Variants in ZNF85 observed in about 807,000 individuals in gnomAD.
The protein encoded by ZNF85 is zinc finger protein 85 (HPF4, HTF1).
In ZNF85, 50 loss-of-function variants were observed where a neutral mutation model predicts 53.9. The ratio of observed to expected loss-of-function variants is 0.93; its 90% CI spans 0.74 to 1.17. The LOEUF is 1.17. Among genes scored for constraint, ZNF85 ranks in the 50% most tolerant of loss-of-function variants. ZNF85 has a pLI of 0.00. For synonymous variants in ZNF85, 225 were observed against 226.1 expected, an observed-to-expected ratio of 1.00 and a Z score of 0.04; for missense variants, 747 against 688.5, an observed-to-expected ratio of 1.08 and a Z score of -0.95.
chr19:20,929,433 C>T (rs1255589115), intron 1 of ZNF85, among the ~76,000 whole-genome samples: 1 of 152,094 alleles, frequency 6.6e-6, no homozygotes, highest in Non-Finnish European at 1.5e-5. Flanking sequence ...GTGATCCCAC[C>T]TCAGCCTCCA....
intron 3 of ZNF85, chr19:20,942,729 G>T (rs1289173928): frequency 1.5e-6 from 1 of 654,902 alleles, no homozygotes; most frequent in Non-Finnish European, 2.8e-6. Context: ...GTTTTGGTCA[G>T]AAAACACACA....
intron 1 of ZNF85, chr19:20,927,482 T>A (rs1972906975): frequency 6.7e-6 from 1 of 149,526 alleles, no homozygotes; most frequent in Non-Finnish European, 1.5e-5. Flanking sequence ...TTTAGACCAG[T>A]GAAGACAAAT....
rs1972805592 is a variant in ZNF85 at position 20,923,483 on chromosome 19, G to A, written c.3+80G>A. 3.7e-6 allele frequency: 6 copies of A among 1,606,998 alleles called. No homozygotes were observed. The East Asian group carries it at 8.9e-5, about 24-fold the overall frequency. ...GGGAAGCGGCTGTGGCGGGACTCAGGCCTCCCTGTAGTCAGCTCCACAATC... is the reference window on the plus strand; with the variant it reads ...GGGAAGCGGCTGTGGCGGGACTCAGACCTCCCTGTAGTCAGCTCCACAATC... On this transcript the variant is annotated intron_variant, in intron 1 of 3. Transcript: ENST00000328178.
intron 3 of ZNF85, among the ~76,000 whole-genome samples, chr19:20,935,843 C>T (rs901501234): frequency 6.6e-6 from 1 of 151,982 alleles, no homozygotes; most frequent in Non-Finnish European, 1.5e-5. Flanking sequence ...AGCCACCATG[C>T]CTGGCCACCA....
In ZNF85 at chr19:20,931,237, A is replaced by T. The variant is rs561723829; in HGVS notation, c.4-2787A>T. On this transcript the variant is annotated intron_variant, in intron 1 of 3. Transcript: ENST00000328178. ...GTTACCTATTCATGGACTCTTTTCA[A>T]ACCTGCAGAATCATATTACATAGAA... 1.8e-4 allele frequency among the ~76,000 whole-genome samples: 28 copies of T among 152,318 alleles called. No homozygotes were observed. In the East Asian group the frequency reaches 2.7e-3, roughly 15 times the overall value.
chr19:20,937,145 C>T (rs1020968845), intron 3 of ZNF85: 1 of 304,568 alleles, frequency 3.3e-6, no homozygotes, highest in Non-Finnish European at 6.6e-6. Flanking sequence ...TATTCCCCTG[C>T]CTCAGCCTCC....
chr19:20,937,247 G>A (rs1973181277), intron 3 of ZNF85: 2 of 443,684 alleles, frequency 4.5e-6, no homozygotes. Context: ...GGCCAGGCGA[G>A]TCTCAAACTC....
rs140643694 is a variant in ZNF85, at chr19:20,938,876, G to GTA, written c.229+3837_229+3838dup. Among the ~76,000 whole-genome samples the GTA allele has an allele frequency of 2.2e-3, 312 of 140,562 alleles. 6 individuals are homozygous for GTA. The highest frequency in any genetic ancestry group is 7.9e-3 in the African/African-American group (289 of 36,754). The allele number at this position is 140,562 out of a possible 152,430, so 92.2% of individuals were successfully genotyped here. ...TGTGTGTGTGTGTGTGTGTGTGTGT[G>GTA]TATATATATGTGTGTGTGTGTGTGT... is the stretch of plus-strand genomic sequence containing the variant. On this transcript the variant is annotated intron_variant, in intron 3 of 3. Transcript: ENST00000328178.
intron 3 of ZNF85, among the ~76,000 whole-genome samples, chr19:20,946,758 G>A (rs766490159): frequency 2.0e-5 from 3 of 151,746 alleles, no homozygotes; most frequent in Admixed American, 2.0e-4. Context: ...GACCTCTTCT[G>A]CTCTCATTTG....
At position 20,949,794 on chromosome 19, in the gene ZNF85, A is replaced by G; in HGVS notation, c.1280A>G (p.Lys427Arg). The G allele has an allele frequency of 6.2e-7, 1 of 1,611,682 alleles. No homozygotes were observed. The change falls in exon 4 of 4, where the codon AAA becomes AGA. Residue 427 changes from lysine (K) to arginine (R), a missense_variant. Lys to Arg is a conservative substitution (Grantham distance 26). Coordinates refer to ENST00000328178, the MANE Select transcript of ZNF85 (RefSeq NM_003429.5). ...ATTCATACTGGAGAGAAGCCTTACAAATGTAAAGAATGTGAAAAAGCTTTT... is the reference window on the plus strand; with the variant it reads ...ATTCATACTGGAGAGAAGCCTTACAGATGTAAAGAATGTGAAAAAGCTTTT... ...KIIHTGEKPY[K>R]CKECEKAFNQ...
At chr19:20,932,524 G>A (rs192700215) in intron 1 of ZNF85, among the ~76,000 whole-genome samples, 4 of 152,214 alleles carry the variant, frequency 2.6e-5, no homozygotes, top group South Asian at 2.1e-4. Flanking sequence ...ATGAAAAGGT[G>A]TGGATACTCA....
At position 20,949,725 on chromosome 19, in the gene ZNF85, G is replaced by C. The variant is rs1384948632; in HGVS notation, c.1211G>C (p.Gly404Ala). ...GEKPYKCKEC[G>A]KAFKHSSTLT... ...AAACCTTACAAATGTAAAGAATGTG[G>C]TAAAGCTTTTAAACACTCTTCAACC... Residue 404 changes from glycine to alanine, a missense_variant, in exon 4 of 4, where the codon GGT becomes GCT. Transcript: ENST00000328178. 1 of 1,612,522 alleles carries C rather than the reference G, an allele frequency of 6.2e-7. No homozygotes were observed. The highest frequency in any genetic ancestry group is 1.3e-5 in the African/African-American group (1 of 74,756).
At chr19:20,924,028 T>C (rs1972823433) in intron 1 of ZNF85, among the ~76,000 whole-genome samples, 1 of 147,440 alleles carries the variant, frequency 6.8e-6, no homozygotes, top group African/African-American at 2.5e-5. Context: ...GAGGTTGCAG[T>C]GAGCCTACAT....
At chr19:20,936,641 G>A (rs1973165034) in intron 3 of ZNF85, 1 of 158,664 alleles carries the variant, frequency 6.3e-6, no homozygotes, top group Non-Finnish European at 1.4e-5. Flanking sequence ...AAAGGAAGGA[G>A]GGAGCAACTT....
In ZNF85 at chr19:20,949,140, A is replaced by G. The variant is rs779208394; in HGVS notation, c.626A>G (p.Lys209Arg). Residue 209 changes from lysine (K) to arginine (R), a missense_variant, in exon 4 of 4, where the codon AAA becomes AGA. Lys to Arg is a conservative substitution (Grantham distance 26). Transcript: ENST00000328178. Reference sequence around the variant, plus strand: ...TTCTACAAATGTGAAGAATGTGGAAAAGCCTTTAACTGGTCCTCAACCCTT... The same window carrying G: ...TTCTACAAATGTGAAGAATGTGGAAGAGCCTTTAACTGGTCCTCAACCCTT... Reference protein sequence around the residue: ...VNFYKCEECGKAFNWSSTLTK... With the variant: ...VNFYKCEECGRAFNWSSTLTK... The G allele has an allele frequency of 2.2e-5, 35 of 1,613,656 alleles. No individual in the cohort carries two copies. The highest frequency in any genetic ancestry group is 3.0e-5 in the Non-Finnish European group (35 of 1,179,772).
In ZNF85 at chr19:20,950,490, A is replaced by C; in HGVS notation, c.*188A>C. On this transcript the variant is annotated 3_prime_UTR_variant, in exon 4 of 4. Transcript: ENST00000328178. ...ATGGCAAAGTCTTTAAATGGTTGTC[A>C]CACTTTAGGTAAGATAATTCATATT... 1 of 473,634 alleles carries C rather than the reference A, an allele frequency of 2.1e-6. No individual in the cohort carries two copies. Among genetic ancestry groups the C allele is most frequent in the Non-Finnish European group, 3.6e-6 (1 of 275,054 alleles). The allele number at this position is 473,634 out of a possible 1,614,324, so 29.3% of individuals were successfully genotyped here.
At chr19:20,926,804 GCA>G (rs1972890363) in intron 1 of ZNF85, 1 of 151,878 alleles carries the variant, frequency 6.6e-6, no homozygotes, top group East Asian at 1.9e-4. Context: ...TTGTTTTGAG[GCA>G]CTGTCTAGAC....
chr19:20,945,757 T>G (rs1319218903), intron 3 of ZNF85: 1 of 152,276 alleles, frequency 6.6e-6, no homozygotes, highest in African/African-American at 2.4e-5. Flanking sequence ...AGTGCTGGGA[T>G]TACAGGTTTG....
chr19:20,944,033 T>A, intron 3 of ZNF85: 1 of 315,158 alleles, frequency 3.2e-6, no homozygotes, highest in Non-Finnish European at 4.6e-6. Context: ...AAATATTATT[T>A]TATGTTGTGT....
Sources: gnomAD v4.1 joint callset for allele counts (sites outside exome capture counted in the v4.1 genomes callset) on GRCh38, gnomAD v4.1.1 for gene constraint, MANE v1.5 for transcripts, NCBI Gene and HGNC (gene_info 2026-07-23, HGNC 2026-07-21) for gene names.